NRG1: variants seen among roughly 807,000 people sequenced by gnomAD.
NRG1 encodes neuregulin 1.
Under a neutral mutation model 63.8 loss-of-function variants are expected in NRG1, and 18 were observed. The ratio of observed to expected loss-of-function variants is 0.28; its 90% CI spans 0.19 to 0.42. The LOEUF (loss-of-function observed/expected upper bound fraction) is 0.42, where lower values mean the gene tolerates loss of function less well. NRG1 is among the 10% of genes least tolerant of loss of function. The pLI, the probability that NRG1 is intolerant of heterozygous loss-of-function variation, is 1.00. For synonymous variants in NRG1, 302 were observed against 301.3 expected (o/e 1.00, Z -0.02); for missense variants, 762 against 814.7 (o/e 0.94, Z 0.79).
chr8:31,645,502 G>A (rs1418009771), intron 1 of NRG1, among the ~76,000 whole-genome samples: 1 of 152,130 alleles, frequency 6.6e-6, no homozygotes, highest in African/African-American at 2.4e-5. Context: ...TATCCATACA[G>A]GTTGAAGCAG....
intron 1 of NRG1, among the ~76,000 whole-genome samples, chr8:32,316,952 T>A (rs1857472169): frequency 6.6e-6 from 1 of 152,244 alleles, no homozygotes; most frequent in African/African-American, 2.4e-5. Flanking sequence ...CCTGAGGAAG[T>A]ATTTTCTCCT....
intron 1 of NRG1, among the ~76,000 whole-genome samples, chr8:32,364,454 TAA>T (rs1428476707): frequency 5.9e-5 from 9 of 152,124 alleles, no homozygotes; most frequent in African/African-American, 2.2e-4. Context: ...TTTCTTTACT[TAA>T]CAATACATCT....
intron 7 of NRG1, among the ~76,000 whole-genome samples, chr8:32,745,819 T>C (rs1179106033): frequency 6.6e-6 from 1 of 152,164 alleles, no homozygotes; most frequent in African/African-American, 2.4e-5. Context: ...GTATGTCATA[T>C]ATAAACTAAC....
intron 1 of NRG1, among the ~76,000 whole-genome samples, chr8:32,241,519 A>G (rs1312376045): frequency 6.6e-6 from 1 of 152,124 alleles, no homozygotes; most frequent in Non-Finnish European, 1.5e-5. Context: ...CATCAACACA[A>G]CACATAAGCT....
downstream of NRG1, among the ~76,000 whole-genome samples, chr8:32,770,985 C>CT (rs1326170838): frequency 1.3e-5 from 2 of 152,162 alleles, no homozygotes; most frequent in African/African-American, 4.8e-5. Flanking sequence ...ATCAAATAAA[C>CT]TTTATGTTAT....
intron 1 of NRG1, among the ~76,000 whole-genome samples, chr8:32,157,427 C>A (rs925173618): frequency 6.7e-6 from 1 of 149,532 alleles, no homozygotes; most frequent in Non-Finnish European, 1.5e-5. Context: ...TTTGGGAGGC[C>A]GAGGCGGGCG....
chr8:32,520,306 G>A (rs1324610126), intron 1 of NRG1, among the ~76,000 whole-genome samples: 1 of 151,630 alleles, frequency 6.6e-6, no homozygotes, highest in East Asian at 1.9e-4. Context: ...ACAGGCACGT[G>A]CCACCTTGTC....
intron 1 of NRG1, among the ~76,000 whole-genome samples, chr8:31,736,753 T>C (rs562226256): frequency 6.6e-6 from 1 of 152,266 alleles, no homozygotes; most frequent in South Asian, 2.1e-4. Context: ...ATTCCACTGA[T>C]GTTTGTTCAA....
intron 1 of NRG1, among the ~76,000 whole-genome samples, chr8:31,850,935 G>T (rs1320773244): frequency 6.6e-6 from 1 of 152,186 alleles, no homozygotes; most frequent in Non-Finnish European, 1.5e-5. Flanking sequence ...ATTTTCTGCA[G>T]TATTTACTGT....
At chr8:31,738,151 G>A (rs1360258871) in intron 1 of NRG1, among the ~76,000 whole-genome samples, 7 of 152,026 alleles carry the variant, frequency 4.6e-5, no homozygotes, top group Non-Finnish European at 1.0e-4. Flanking sequence ...AGATGGAAGA[G>A]GATGAGGCCT....
chr8:32,504,471 T>C (rs1462045365), intron 1 of NRG1, among the ~76,000 whole-genome samples: 2 of 152,356 alleles, frequency 1.3e-5, no homozygotes, highest in African/African-American at 4.8e-5. Flanking sequence ...TAAGCGTTTT[T>C]TTAAGCCAAC....
In NRG1 at chr8:32,296,605, A is replaced by C. The variant is rs189654611; in HGVS notation, c.38-299223A>C. 2.8e-3 allele frequency among the ~76,000 whole-genome samples: 393 copies of C among 142,304 alleles called. 2 individuals carry two copies. Among genetic ancestry groups the C allele is most frequent in the African/African-American group, 0.01 (383 of 36,506 alleles). The allele number at this position is 142,304 out of a possible 152,430, so 93.4% of individuals were successfully genotyped here. On this transcript the variant is annotated intron_variant, in intron 1 of 10. Transcript: ENST00000519301. ...CACTCCAGCCTGGGCGACAAGAGTG[A>C]AACTTTGTCCCAAAAAAAAAAAAAA...
chr8:32,621,286 G>A (rs913939219), intron 5 of NRG1, among the ~76,000 whole-genome samples: 3 of 151,892 alleles, frequency 2.0e-5, no homozygotes, highest in African/African-American at 7.3e-5. Flanking sequence ...TGTAAATGAG[G>A]CATCTGTGAC....
chr8:31,819,025 G>A (rs55639429), intron 1 of NRG1, among the ~76,000 whole-genome samples: 37,045 of 151,978 alleles, frequency 0.24, 5,241 homozygotes, highest in East Asian at 0.68. Flanking sequence ...CTGCACTCCA[G>A]CCCGGGCGAC....
At chr8:31,797,851 C>G (rs572241471) in intron 1 of NRG1, among the ~76,000 whole-genome samples, 1 of 152,082 alleles carries the variant, frequency 6.6e-6, no homozygotes, top group Non-Finnish European at 1.5e-5. Flanking sequence ...TATTCAGCCA[C>G]CAAAAGGAAT....
chr8:31,928,479 C>T (rs1585835960), intron 1 of NRG1, among the ~76,000 whole-genome samples: 1 of 151,560 alleles, frequency 6.6e-6, no homozygotes, highest in East Asian at 1.9e-4. Context: ...CCATTCTATC[C>T]GACAATCCCA....
chr8:31,971,957 C>T (rs1230143561), intron 1 of NRG1, among the ~76,000 whole-genome samples: 1 of 152,146 alleles, frequency 6.6e-6, no homozygotes, highest in Non-Finnish European at 1.5e-5. Flanking sequence ...TCCACATTCT[C>T]TGCATTTTCT....
chr8:31,901,683 G>C (rs1832094176), intron 1 of NRG1, among the ~76,000 whole-genome samples: 1 of 152,180 alleles, frequency 6.6e-6, no homozygotes, highest in Non-Finnish European at 1.5e-5. Context: ...GGCTGGTGAA[G>C]CCTGTCTGGT....
intron 1 of NRG1, among the ~76,000 whole-genome samples, chr8:32,062,136 C>T (rs2130919688): frequency 6.6e-6 from 1 of 152,118 alleles, no homozygotes; most frequent in South Asian, 2.1e-4. Flanking sequence ...GTGCAGTGAC[C>T]TTTTAAAAGG....
Sources: allele counts gnomAD v4.1 joint callset (sites outside exome capture counted in the v4.1 genomes callset), GRCh38; gene constraint gnomAD v4.1.1; transcripts MANE v1.5; gene names NCBI Gene and HGNC (gene_info 2026-07-23, HGNC 2026-07-21).